CLNK: variants seen among roughly 807,000 people sequenced by gnomAD.
The protein encoded by CLNK is cytokine dependent hematopoietic cell linker, also known as cytokine-dependent hematopoietic cell linker.
Under a neutral mutation model 68.6 loss-of-function variants are expected in CLNK, and 74 were observed. The ratio of observed to expected loss-of-function variants is 1.08; its 90% CI spans 0.89 to 1.31. The LOEUF is 1.31. Among genes scored for constraint, CLNK ranks in the 50% most tolerant of loss-of-function variants. The probability of loss-of-function intolerance (pLI) is 0.00; values close to 1 mark genes in which losing one functional copy is unlikely to be tolerated. For synonymous variants in CLNK, 198 were observed against 172.2 expected, an observed-to-expected ratio of 1.15 and a Z score of -1.17; for missense variants, 553 against 515.3, an observed-to-expected ratio of 1.07 and a Z score of -0.71.
At chr4:10,606,740 C>G (rs1280608501) in intron 2 of CLNK, among the ~76,000 whole-genome samples, 3 of 152,064 alleles carry the variant, frequency 2.0e-5, no homozygotes, top group Non-Finnish European at 4.4e-5. Flanking sequence ...CATCATTCAC[C>G]TAAATGTTAT....
chr4:10,724,879 C>T, the CLNK span, among the ~76,000 whole-genome samples: 46 of 152,198 alleles, frequency 3.0e-4, no homozygotes, highest in East Asian at 7.0e-3. Context: ...GGCTTAGTGA[C>T]GGGAGAGAAG....
intron 5 of CLNK, among the ~76,000 whole-genome samples, chr4:10,567,107 C>G (rs1720150196): frequency 1.9e-5 from 1 of 53,470 alleles, no homozygotes; most frequent in Admixed American, 2.2e-4. Context: ...TAAGAAGAAC[C>G]AAGAATAGCC....
chr4:10,566,108 T>C lies in CLNK; in HGVS notation c.193A>G (p.Ser65Gly), dbSNP rs16869924. Residue 65 changes from serine (S) to glycine (G), a missense_variant, in exon 6 of 19, where the codon AGT becomes GGT. Ser to Gly is a moderately conservative substitution (Grantham distance 56). Transcript: ENST00000226951. ...TCAGGGTCATCATAGTCATCATCAC[T>C]GTGGCCTTTTGCTCCATCCAGGACT... ...AAVLDGAKGH[S>G]DDDYDDPELR... 4,867 of 1,613,920 alleles carry C rather than the reference T, an allele frequency of 3.0e-3. 125 individuals are homozygous for C. The East Asian group carries it at 0.068, about 23-fold the overall frequency.
chr4:10,498,978 C>A (rs1306398832), intron 18 of CLNK, among the ~76,000 whole-genome samples: 1 of 151,908 alleles, frequency 6.6e-6, no homozygotes, highest in Non-Finnish European at 1.5e-5. Flanking sequence ...CCCCCCCCCC[C>A]CCAACCCTTG....
At chr4:10,611,942 C>T (rs536640555) in intron 2 of CLNK, among the ~76,000 whole-genome samples, 4 of 152,334 alleles carry the variant, frequency 2.6e-5, no homozygotes, top group African/African-American at 9.6e-5. Context: ...CACTCTCTCC[C>T]TACAGCCCCG....
rs536722106 is a variant in CLNK at position 10,667,912 on chromosome 4, C to T, written c.-42-1G>A. The T allele has an allele frequency of 7.7e-6, 12 of 1,552,540 alleles. No homozygotes were observed. The South Asian group carries it at 1.4e-4, about 19-fold the overall frequency. ...GGGTAAGAGGGATCTTCAATTCAGC[C>T]TGTGGAAACAAAAGCAAACGCGTTA... On this transcript the variant is annotated splice_acceptor_variant, in intron 1 of 18. Transcript: ENST00000226951. LOFTEE classifies it low-confidence loss of function (5UTR_SPLICE).
chr4:10,563,307 A>G (rs1719970847), intron 7 of CLNK, among the ~76,000 whole-genome samples: 1 of 152,200 alleles, frequency 6.6e-6, no homozygotes, highest in Non-Finnish European at 1.5e-5. Flanking sequence ...AATAGCCAGT[A>G]TTGGTGATAT....
At chr4:10,704,743 T>TAA in the CLNK span, among the ~76,000 whole-genome samples, 29 of 152,228 alleles carry the variant, frequency 1.9e-4, no homozygotes, top group Non-Finnish European at 3.4e-4. Context: ...GCTTCCTGGC[T>TAA]GTGGAATCAG....
At chr4:10,611,516 G>A (rs1323041072) in intron 2 of CLNK, among the ~76,000 whole-genome samples, 1 of 124,148 alleles carries the variant, frequency 8.1e-6, no homozygotes, top group Non-Finnish European at 1.8e-5. Flanking sequence ...AAAAAATGTA[G>A]TGGACCTTCT....
Position 10,496,187 on chromosome 4 carries a change from CA to C in CLNK, c.1140+5068del, listed in dbSNP as rs569692545. The stretch of plus-strand genomic sequence containing the variant: ...GCTGCATCATCTGTGTGGTTAAATT[CA>C]AAAGTTGCAAGATAGCTACAAAACT... On this transcript the variant is annotated intron_variant, in intron 18 of 18. Transcript: ENST00000226951. 1.8e-4 allele frequency among the ~76,000 whole-genome samples: 28 copies of C among 152,294 alleles called. No individual in the cohort carries two copies. In the South Asian group the frequency reaches 5.0e-3, roughly 27 times the overall value.
intron 8 of CLNK, among the ~76,000 whole-genome samples, chr4:10,543,155 C>A (rs374663748): frequency 3.3e-5 from 5 of 151,962 alleles, no homozygotes; most frequent in Admixed American, 6.6e-5. Flanking sequence ...GTGGGTAGAC[C>A]GGCATTGAAG....
At chr4:10,720,676 T>A in the CLNK span, among the ~76,000 whole-genome samples, 1 of 59,920 alleles carries the variant, frequency 1.7e-5, no homozygotes. Flanking sequence ...CAAAAATGCA[T>A]ACAAAAAAAA....
chr4:10,703,379 A>G, the CLNK span, among the ~76,000 whole-genome samples: 8 of 152,198 alleles, frequency 5.3e-5, no homozygotes, highest in Non-Finnish European at 1.0e-4. Context: ...AAACAGAAGA[A>G]AACACATTTC....
At chr4:10,491,057 G>A (rs1026623209) in intron 18 of CLNK, among the ~76,000 whole-genome samples, 8 of 152,224 alleles carry the variant, frequency 5.3e-5, no homozygotes, top group Admixed American at 2.6e-4. Context: ...GAGCCACCAC[G>A]CCTGACCGGA....
At chr4:10,592,441 C>T (rs1388245913) in intron 3 of CLNK, among the ~76,000 whole-genome samples, 1 of 152,144 alleles carries the variant, frequency 6.6e-6, no homozygotes, top group Non-Finnish European at 1.5e-5. Context: ...TTCATCCACT[C>T]TCTGAGCCTC....
intron 2 of CLNK, among the ~76,000 whole-genome samples, chr4:10,599,657 C>T (rs538340175): frequency 6.6e-6 from 1 of 152,182 alleles, no homozygotes; most frequent in Admixed American, 6.5e-5. Context: ...CCATTGCTCA[C>T]ATGGTTTCCA....
chr4:10,676,293 C>T (rs986448252), intron 1 of CLNK, among the ~76,000 whole-genome samples: 5 of 151,892 alleles, frequency 3.3e-5, no homozygotes, highest in Non-Finnish European at 4.4e-5. Context: ...ATACCCCAGT[C>T]AGATCAATCA....
chr4:10,565,522 A>T (rs912028280), intron 6 of CLNK, among the ~76,000 whole-genome samples: 1 of 152,246 alleles, frequency 6.6e-6, no homozygotes, highest in Admixed American at 6.5e-5. Context: ...CTTTGCTGCC[A>T]TGCCCTGCTG....
chr4:10,583,260 T>C (rs972188270), intron 4 of CLNK, among the ~76,000 whole-genome samples: 1 of 152,090 alleles, frequency 6.6e-6, no homozygotes, highest in Non-Finnish European at 1.5e-5. Flanking sequence ...GCTGGGCTGT[T>C]ATTTCTTTCT....
Sources: gnomAD v4.1 joint callset for allele counts (sites outside exome capture counted in the v4.1 genomes callset) on GRCh38, gnomAD v4.1.1 for gene constraint, MANE v1.5 for transcripts, NCBI Gene and HGNC (gene_info 2026-07-23, HGNC 2026-07-21) for gene names.